Variants in NRDC observed in about 807,000 individuals in gnomAD.
NRDC encodes the protein nardilysin.
A neutral mutation model predicts 147.1 loss-of-function variants in NRDC; 54 were observed. The observed-to-expected ratio is 0.37, with a 90% confidence interval of 0.29 to 0.46. NRDC has a LOEUF of 0.46. Among genes scored for constraint, NRDC ranks in the 20% least tolerant of loss-of-function variants. The pLI, the probability that NRDC is intolerant of heterozygous loss-of-function variation, is 1.00. For missense variants in NRDC, 1,082 were observed against 1,370.6 expected, an observed-to-expected ratio of 0.79 and a Z score of 3.33; for synonymous variants, 440 against 482.1, an observed-to-expected ratio of 0.91 and a Z score of 1.14.
chr1:51,831,664 C>T (rs994439324), intron 4 of NRDC, among the ~76,000 whole-genome samples: 5 of 151,798 alleles, frequency 3.3e-5, no homozygotes, highest in Non-Finnish European at 7.4e-5. Context: ...CTGCAACCTC[C>T]GTCTCCCAGG....
chr1:51,864,423 A>C (rs1682701759), intron 1 of NRDC, among the ~76,000 whole-genome samples: 1 of 152,238 alleles, frequency 6.6e-6, no homozygotes, highest in Non-Finnish European at 1.5e-5. Context: ...ACCAAAAAAC[A>C]TACTATATTT....
intron 20 of NRDC, among the ~76,000 whole-genome samples, chr1:51,803,083 CAA>C (rs1455750199): frequency 1.3e-5 from 2 of 152,068 alleles, no homozygotes; most frequent in African/African-American, 4.8e-5. Context: ...AGAAGGGAAA[CAA>C]GACACACATA....
intron 1 of NRDC, among the ~76,000 whole-genome samples, chr1:51,851,022 A>G (rs1008878584): frequency 7.2e-5 from 11 of 152,188 alleles, no homozygotes; most frequent in African/African-American, 2.7e-4. Context: ...TCTGTACCAC[A>G]TAAGTCCCTG....
In NRDC at chr1:51,825,303, C is replaced by T; in HGVS notation, c.1020G>A (p.Met340Ile). The T allele has an allele frequency of 6.2e-7, 1 of 1,600,788 alleles. No individual in the cohort carries two copies. The highest frequency in any genetic ancestry group is 8.5e-7 in the Non-Finnish European group (1 of 1,176,222). Residue 340 changes from methionine to isoleucine, a missense_variant, in exon 6 of 31, where the codon ATG (methionine) becomes ATA (isoleucine). This residue lies in a region of NRDC where 635 missense variants were observed against 923.8 expected (regional missense o/e 0.69). Coordinates refer to ENST00000352171, the MANE Select transcript of NRDC (RefSeq NM_001101662.2). ...GTATCTTACCCCAAAAAAATTTTCCCATAGGATGTCCAGGTCTAGCAAGGC... is the reference window on the plus strand; with the variant it reads ...GTATCTTACCCCAAAAAAATTTTCCTATAGGATGTCCAGGTCTAGCAAGGC... ...FGSLARPGHP[M>I]GKFFWGNAET... is the part of the protein sequence containing the mutation.
At chr1:51,808,658 G>A (rs1223026670) in intron 17 of NRDC, among the ~76,000 whole-genome samples, 1 of 152,126 alleles carries the variant, frequency 6.6e-6, no homozygotes, top group African/African-American at 2.4e-5. Flanking sequence ...GACATGTAAT[G>A]AATGGCTTGG....
chr1:51,820,276 T>C (rs953186976), intron 8 of NRDC, among the ~76,000 whole-genome samples: 4 of 152,182 alleles, frequency 2.6e-5, no homozygotes, highest in African/African-American at 9.7e-5. Context: ...AAGCACTATA[T>C]TAGGCACTGT....
At chr1:51,808,943 C>G (rs1227152014) in intron 17 of NRDC, among the ~76,000 whole-genome samples, 4 of 152,166 alleles carry the variant, frequency 2.6e-5, no homozygotes, top group Non-Finnish European at 5.9e-5. Flanking sequence ...ACTTCACAAC[C>G]TTCTAATGGG....
intron 1 of NRDC, among the ~76,000 whole-genome samples, chr1:51,849,347 G>A (rs948824075): frequency 6.6e-6 from 1 of 151,832 alleles, no homozygotes; most frequent in East Asian, 1.9e-4. Flanking sequence ...CTCGGGAGGC[G>A]GAGCTTGCAG....
chr1:51,800,840 G>A (rs959132215), intron 20 of NRDC, 157 bp from the exon 21 acceptor site: 3 of 678,186 alleles, frequency 4.4e-6, no homozygotes, highest in Non-Finnish European at 7.3e-6. Flanking sequence ...TTGTTCGTTT[G>A]TTTGTTTGGG....
Position 51,794,618 on chromosome 1 carries a change from A to C in NRDC, c.2637-8T>G. ...GGCTTGAAGTTTAGTTTGCTGCAAGAGAATCAGTATGGGTCACTGAGGCAC... is the reference window on the plus strand; with the variant it reads ...GGCTTGAAGTTTAGTTTGCTGCAAGCGAATCAGTATGGGTCACTGAGGCAC... On this transcript the variant is annotated splice_polypyrimidine_tract_variant and splice_region_variant and intron_variant, in intron 23 of 30. Transcript: ENST00000352171. 6.2e-7 allele frequency: 1 copy of C among 1,614,078 alleles called. No individual in the cohort carries two copies. Among genetic ancestry groups the C allele is most frequent in the Non-Finnish European group, 8.5e-7 (1 of 1,179,920 alleles).
intron 1 of NRDC, among the ~76,000 whole-genome samples, chr1:51,863,750 A>G (rs573096768): frequency 6.6e-6 from 1 of 152,336 alleles, no homozygotes; most frequent in South Asian, 2.1e-4. Context: ...TTAATCTATA[A>G]TAATGTTAAA....
chr1:51,869,117 T>A (rs888759993), intron 1 of NRDC, among the ~76,000 whole-genome samples: 1 of 152,002 alleles, frequency 6.6e-6, no homozygotes, highest in African/African-American at 2.4e-5. Context: ...GCCCAGCTAA[T>A]TTTTTAATTT....
chr1:51,800,728 C>T (rs1679154374), intron 20 of NRDC, 45 bp from the exon 21 acceptor site: 9 of 1,600,322 alleles, frequency 5.6e-6, no homozygotes, highest in African/African-American at 1.3e-5. Context: ...TGGAAATCCA[C>T]TAGGTATTAG....
intron 22 of NRDC, 141 bp downstream of exon 22, chr1:51,798,101 CAGCATCA>C: frequency 5.9e-6 from 4 of 681,764 alleles, no homozygotes; most frequent in Non-Finnish European, 9.7e-6. Context: ...GAAAGCTGCC[CAGCATCA>C]GAGGGGTCAG....
At chr1:51,861,731 C>G (rs1276727644) in intron 1 of NRDC, among the ~76,000 whole-genome samples, 1 of 152,112 alleles carries the variant, frequency 6.6e-6, no homozygotes, top group Non-Finnish European at 1.5e-5. Flanking sequence ...TTAAATGGCC[C>G]ACCAGGGCAG....
At chr1:51,835,867 T>C (rs1012768163) in intron 3 of NRDC, among the ~76,000 whole-genome samples, 1 of 152,244 alleles carries the variant, frequency 6.6e-6, no homozygotes, top group East Asian at 1.9e-4. Flanking sequence ...AATCATCTCC[T>C]GATCCGTTGG....
At chr1:51,861,122 G>C (rs1682510890) in intron 1 of NRDC, among the ~76,000 whole-genome samples, 1 of 151,676 alleles carries the variant, frequency 6.6e-6, no homozygotes, top group African/African-American at 2.4e-5. Context: ...GTTAATTTTT[G>C]TATTTTTAGC....
At chr1:51,792,198 C>T in intron 25 of NRDC, 100 bp from the exon 26 acceptor site, 2 of 1,492,382 alleles carry the variant, frequency 1.3e-6, no homozygotes, top group South Asian at 2.3e-5. Flanking sequence ...GTCCAGCCTC[C>T]CTTAGTGCCT....
intron 1 of NRDC, among the ~76,000 whole-genome samples, chr1:51,861,080 G>A (rs1682508229): frequency 6.6e-6 from 1 of 151,756 alleles, no homozygotes. Flanking sequence ...CTCCCGAGTA[G>A]CTGGGATTAT....
Sources: gnomAD v4.1 joint callset for allele counts (sites outside exome capture counted in the v4.1 genomes callset) on GRCh38, gnomAD v4.1.1 for gene constraint, gnomAD v4.1.1 regional missense constraint, MANE v1.5 for transcripts, NCBI Gene and HGNC (gene_info 2026-07-23, HGNC 2026-07-21) for gene names.